The following FCN2 variants were observed in gnomAD, a reference collection of about 807,000 sequenced individuals.
FCN2 encodes ficolin 2.
In FCN2, 31 loss-of-function variants were observed where a neutral mutation model predicts 32.5. The observed-to-expected ratio is 0.96, with a 90% confidence interval of 0.72 to 1.29. FCN2 has a LOEUF of 1.29. FCN2 is among the 50% of genes most tolerant of loss of function. FCN2 has a pLI of 0.00. For missense variants in FCN2, 412 were observed against 406.5 expected, an observed-to-expected ratio of 1.01 and a Z score of -0.12; for synonymous variants, 181 against 164.5, an observed-to-expected ratio of 1.10 and a Z score of -0.77.
rs376833167 is a variant in FCN2 at position 134,884,788 on chromosome 9, C to T, written c.301+16C>T. The T allele has an allele frequency of 3.1e-6, 5 of 1,613,394 alleles. No individual in the cohort carries two copies. The highest frequency in any genetic ancestry group is 1.3e-5 in the African/African-American group (1 of 75,056). On this transcript the variant is annotated intron_variant, in intron 4 of 7. Coordinates refer to ENST00000291744, the MANE Select transcript of FCN2 (RefSeq NM_004108.3). ...TGCCTGACAGGTGACTGACCACCCC[C>T]ACACTCCTCCCACGGCTTGTGGCTG...
the FCN2 span, among the ~76,000 whole-genome samples, chr9:134,865,363 A>G: frequency 0.013 from 2,003 of 152,262 alleles, 37 homozygotes; most frequent in South Asian, 0.093. Context: ...AAACCCTAGT[A>G]GGCGCCATGG....
intron 1 of FCN2, among the ~76,000 whole-genome samples, chr9:134,881,743 G>A (rs116314839): frequency 0.02 from 3,090 of 152,282 alleles, 91 homozygotes; most frequent in African/African-American, 0.069. Flanking sequence ...CAGGAACAGC[G>A]GGGATTCGCT....
intron 1 of FCN2, among the ~76,000 whole-genome samples, chr9:134,881,558 C>G (rs2132997446): frequency 6.6e-6 from 1 of 152,258 alleles, no homozygotes; most frequent in Middle Eastern, 3.4e-3. Context: ...GGAGTCAGGT[C>G]CTGACTCCGT....
the FCN2 span, among the ~76,000 whole-genome samples, chr9:134,875,380 G>C: frequency 2.6e-5 from 4 of 152,170 alleles, no homozygotes; most frequent in Admixed American, 2.0e-4. Context: ...GTGTTCCCCA[G>C]GATCCTTGCA....
intron 7 of FCN2, among the ~76,000 whole-genome samples, chr9:134,886,776 G>A (rs1189351346): frequency 6.6e-6 from 1 of 152,188 alleles, no homozygotes; most frequent in African/African-American, 2.4e-5. Context: ...ATCCCAGCAA[G>A]GGCATCTGGT....
At chr9:134,864,820 C>T in the FCN2 span, among the ~76,000 whole-genome samples, 1 of 152,226 alleles carries the variant, frequency 6.6e-6, no homozygotes, top group Non-Finnish European at 1.5e-5. Context: ...TTAAGCCTCA[C>T]CCTTTAAAGA....
At chr9:134,884,350 G>C (rs1830711637) in intron 3 of FCN2, among the ~76,000 whole-genome samples, 1 of 152,072 alleles carries the variant, frequency 6.6e-6, no homozygotes, top group South Asian at 2.1e-4. Context: ...AAAATACGCA[G>C]GTTTGGTGCC....
In FCN2 at chr9:134,886,049, T is replaced by C. The variant is rs925748615; in HGVS notation, c.559+152T>C. 1.6e-5 allele frequency: 13 copies of C among 811,466 alleles called. No individual in the cohort carries two copies. In the East Asian group the frequency reaches 3.5e-4, roughly 22 times the overall value. The allele number at this position is 811,466 out of a possible 1,614,324, so 50.3% of individuals were successfully genotyped here. On this transcript the variant is annotated intron_variant, in intron 6 of 7. Coordinates refer to ENST00000291744, the MANE Select transcript of FCN2 (RefSeq NM_004108.3). Reference sequence around the variant, plus strand: ...GGGTGGCACTGGGACCTCCGAGGGCTTCGTCCCTGCTGCAGGCTCTGGCAG... The same window carrying C: ...GGGTGGCACTGGGACCTCCGAGGGCCTCGTCCCTGCTGCAGGCTCTGGCAG...
rs1830719010 is a variant in FCN2 at position 134,884,765 on chromosome 9, C to T, written c.294C>T (p.Cys98=). ...GAGCACCTGGGGAGCCCCAGCCGTG[C>T]CTGACAGGTGACTGACCACCCCCAC... ...PNGAPGEPQP[C]LTGPRTCKDL... Residue 98 remains cysteine (C), a synonymous_variant, in exon 4 of 8, where the codon TGC becomes TGT. Transcript: ENST00000291744. 6.2e-7 allele frequency: 1 copy of T among 1,613,950 alleles called. No homozygotes were observed. The highest frequency in any genetic ancestry group is 8.5e-7 in the Non-Finnish European group (1 of 1,179,882).
the FCN2 span, among the ~76,000 whole-genome samples, chr9:134,868,085 G>A: frequency 6.6e-6 from 1 of 152,138 alleles, no homozygotes; most frequent in Non-Finnish European, 1.5e-5. This position sits in a 1 kb window ranked among gnomAD's most constrained non-coding sequence, Gnocchi z 4.3. Context: ...CTAGATCGGG[G>A]TGGCCTCCAA....
At chr9:134,874,407 T>G in the FCN2 span, among the ~76,000 whole-genome samples, 1 of 152,222 alleles carries the variant, frequency 6.6e-6, no homozygotes, top group Non-Finnish European at 1.5e-5. Flanking sequence ...TAGTGTGAGG[T>G]AGGGACCAAT....
At chr9:134,877,545 C>G (rs139815386), upstream of FCN2, among the ~76,000 whole-genome samples, 49 of 152,308 alleles carry the variant, frequency 3.2e-4, no homozygotes, top group African/African-American at 1.2e-3. Flanking sequence ...ATTTTAGTGG[C>G]CACGTTAGAA....
At chr9:134,872,508 G>T in the FCN2 span, among the ~76,000 whole-genome samples, 1 of 152,214 alleles carries the variant, frequency 6.6e-6, no homozygotes, top group South Asian at 2.1e-4. Flanking sequence ...TGCTCGTAAA[G>T]ATTGGGTAAT....
intron 4 of FCN2, 22 bp downstream of exon 4, chr9:134,884,794 C>G: frequency 6.2e-7 from 1 of 1,612,614 alleles, no homozygotes; most frequent in Non-Finnish European, 8.5e-7. Flanking sequence ...CCCCCACACT[C>G]CTCCCACGGC....
the FCN2 span, among the ~76,000 whole-genome samples, chr9:134,865,938 G>A: frequency 2.9e-4 from 44 of 151,708 alleles, no homozygotes; most frequent in Admixed American, 2.7e-3. Flanking sequence ...CAAGGGATGT[G>A]AAGGACCTCT....
At chr9:134,885,402 G>C (rs761126139) in intron 5 of FCN2, 36 bp downstream of exon 5, 2 of 1,606,288 alleles carry the variant, frequency 1.2e-6, no homozygotes, top group Non-Finnish European at 1.7e-6. Context: ...GTCAGCCTGG[G>C]AGTCCCGGAG....
intron 4 of FCN2, 71 bp downstream of exon 4, chr9:134,884,843 C>T (rs1055075050): frequency 2.5e-5 from 34 of 1,370,254 alleles, no homozygotes; most frequent in African/African-American, 7.1e-5. Context: ...GGTCATACGA[C>T]GCCATTGCCA....
the FCN2 span, among the ~76,000 whole-genome samples, chr9:134,864,321 G>A: frequency 9.8e-5 from 15 of 152,312 alleles, no homozygotes; most frequent in South Asian, 2.3e-3. Context: ...CTTCCCACAC[G>A]GGCCTCAGGG....
At chr9:134,869,866 C>T in the FCN2 span, among the ~76,000 whole-genome samples, 2 of 152,130 alleles carry the variant, frequency 1.3e-5, no homozygotes, top group African/African-American at 4.8e-5. Context: ...CTCAGGTGGG[C>T]GCTGCACTGT....
Sources: allele counts gnomAD v4.1 joint callset (sites outside exome capture counted in the v4.1 genomes callset), GRCh38; gene constraint gnomAD v4.1.1; non-coding constraint Gnocchi (gnomAD v3.1); transcripts MANE v1.5; gene names NCBI Gene and HGNC (gene_info 2026-07-23, HGNC 2026-07-21).